The following GRM7 variants were observed in gnomAD, a reference collection of about 807,000 sequenced individuals.
GRM7 encodes glutamate metabotropic receptor 7.
A neutral mutation model predicts 84.5 loss-of-function variants in GRM7; 35 were observed. The observed-to-expected ratio is 0.41, with a 90% confidence interval of 0.32 to 0.55. The LOEUF (loss-of-function observed/expected upper bound fraction) is 0.55. Among genes scored for constraint, GRM7 ranks in the 20% least tolerant of loss-of-function variants. The pLI, the probability that GRM7 is intolerant of heterozygous loss-of-function variation, is 0.19. For missense variants in GRM7, 1,003 were observed against 1,194.6 expected (o/e 0.84, Z 2.36); for synonymous variants, 487 against 455.1 (o/e 1.07, Z -0.89).
intron 4 of GRM7, among the ~76,000 whole-genome samples, chr3:7,405,526 G>C (rs777392228): frequency 1.9e-4 from 29 of 152,102 alleles, no homozygotes; most frequent in Non-Finnish European, 4.0e-4. Flanking sequence ...GTTGTAGGGA[G>C]CGGTGACATG....
At chr3:7,274,433 G>A (rs1286576238) in intron 2 of GRM7, among the ~76,000 whole-genome samples, 1 of 151,868 alleles carries the variant, frequency 6.6e-6, no homozygotes, top group African/African-American at 2.4e-5. Context: ...TTTTTTACAA[G>A]GCAGGCCTAC....
At chr3:7,288,085 A>G (rs1169855437) in intron 2 of GRM7, among the ~76,000 whole-genome samples, 1 of 152,148 alleles carries the variant, frequency 6.6e-6, no homozygotes, top group Non-Finnish European at 1.5e-5. Context: ...TAAACATTAC[A>G]TTTACCATAC....
intron 7 of GRM7, among the ~76,000 whole-genome samples, chr3:7,550,198 A>G (rs575722739): frequency 6.6e-6 from 1 of 152,036 alleles, no homozygotes; most frequent in South Asian, 2.1e-4. Flanking sequence ...AGGCCAAAAA[A>G]AAACCTAAAA....
At chr3:7,090,303 G>GA (rs1698616895) in intron 1 of GRM7, among the ~76,000 whole-genome samples, 1 of 152,128 alleles carries the variant, frequency 6.6e-6, no homozygotes, top group Non-Finnish European at 1.5e-5. Context: ...AGATTAGTGT[G>GA]AAAAATATGA....
intron 7 of GRM7, among the ~76,000 whole-genome samples, chr3:7,538,783 C>T (rs766312570): frequency 3.3e-5 from 5 of 152,120 alleles, no homozygotes; most frequent in Non-Finnish European, 7.3e-5. Context: ...TTGGCTGTTT[C>T]GCAGGTGCAA....
intron 2 of GRM7, among the ~76,000 whole-genome samples, chr3:7,293,775 T>C (rs1269077055): frequency 6.6e-6 from 1 of 152,200 alleles, no homozygotes; most frequent in Non-Finnish European, 1.5e-5. Context: ...GGGACCATCA[T>C]TATTGTCTCA....
chr3:7,543,058 A>G (rs1279205488), intron 7 of GRM7, among the ~76,000 whole-genome samples: 1 of 152,158 alleles, frequency 6.6e-6, no homozygotes, highest in East Asian at 1.9e-4. Flanking sequence ...TTTTATTTGA[A>G]TGGACGAATG....
chr3:7,542,239 T>C (rs1310292501), intron 7 of GRM7, among the ~76,000 whole-genome samples: 2 of 152,204 alleles, frequency 1.3e-5, no homozygotes, highest in East Asian at 1.9e-4. Context: ...CCATAACAAA[T>C]ACCTCTCAAG....
At chr3:7,410,678 A>G (rs995185992) in intron 4 of GRM7, among the ~76,000 whole-genome samples, 4 of 151,650 alleles carry the variant, frequency 2.6e-5, no homozygotes, top group Admixed American at 1.3e-4. Context: ...ACACACACAC[A>G]CGCACATTTT....
chr3:7,209,188 C>G (rs552769587), intron 2 of GRM7, among the ~76,000 whole-genome samples: 1 of 152,138 alleles, frequency 6.6e-6, no homozygotes, highest in Non-Finnish European at 1.5e-5. Context: ...AAGTACAAAT[C>G]AGAGTGGTTT....
intron 8 of GRM7, among the ~76,000 whole-genome samples, chr3:7,591,805 C>G (rs1022710097): frequency 2.0e-5 from 3 of 152,068 alleles, no homozygotes; most frequent in African/African-American, 7.2e-5. Context: ...GATATCATCC[C>G]CATTTACAGA....
chr3:7,179,618 C>T (rs773228921), intron 2 of GRM7, among the ~76,000 whole-genome samples: 3 of 152,216 alleles, frequency 2.0e-5, no homozygotes, highest in Non-Finnish European at 4.4e-5. Context: ...CTTGTTTGAA[C>T]TAACAGGAGT....
At chr3:6,982,953 A>T (rs571081778) in intron 1 of GRM7, among the ~76,000 whole-genome samples, 1 of 152,354 alleles carries the variant, frequency 6.6e-6, no homozygotes, top group South Asian at 2.1e-4. Context: ...CACGTTGAGA[A>T]TTTTGTATGA....
At chr3:7,008,345 G>A (rs528387468) in intron 1 of GRM7, among the ~76,000 whole-genome samples, 2 of 152,272 alleles carry the variant, frequency 1.3e-5, no homozygotes, top group South Asian at 2.1e-4. Flanking sequence ...TTAGGACCTG[G>A]TCCTTAAGGA....
chr3:7,550,171 A>C (rs1226729631), intron 7 of GRM7, among the ~76,000 whole-genome samples: 1 of 151,716 alleles, frequency 6.6e-6, no homozygotes, highest in African/African-American at 2.4e-5. Flanking sequence ...TTTTTTAAGA[A>C]TTGGGTAACT....
At chr3:7,487,208 C>T (rs1482223910) in intron 7 of GRM7, among the ~76,000 whole-genome samples, 4 of 152,076 alleles carry the variant, frequency 2.6e-5, no homozygotes, top group African/African-American at 4.8e-5. Flanking sequence ...CTTTTGGCTG[C>T]TTAAGCTGAG....
intron 2 of GRM7, among the ~76,000 whole-genome samples, chr3:7,170,369 G>A (rs563104941): frequency 1.4e-4 from 21 of 152,266 alleles, no homozygotes; most frequent in South Asian, 2.1e-4. Context: ...TGAGTAAGGC[G>A]TACTTAGCAC....
intron 7 of GRM7, among the ~76,000 whole-genome samples, chr3:7,509,135 A>T (rs1475892102): frequency 6.6e-6 from 1 of 152,252 alleles, no homozygotes; most frequent in East Asian, 1.9e-4. Context: ...CCACCCATTC[A>T]TCACTTAGTA....
At chr3:7,512,051 G>A (rs1700227744) in intron 7 of GRM7, among the ~76,000 whole-genome samples, 1 of 152,078 alleles carries the variant, frequency 6.6e-6, no homozygotes, top group Non-Finnish European at 1.5e-5. Flanking sequence ...AGTCTGAGGT[G>A]GGAGGATCAC....
Sources: allele counts gnomAD v4.1 joint callset (sites outside exome capture counted in the v4.1 genomes callset), GRCh38; gene constraint gnomAD v4.1.1; transcripts MANE v1.5; gene names NCBI Gene and HGNC (gene_info 2026-07-23, HGNC 2026-07-21).